CTNND2: variants seen among roughly 807,000 people sequenced by gnomAD.
The protein encoded by CTNND2 is catenin delta 2, also known as catenin delta-2.
A neutral mutation model predicts 144.4 loss-of-function variants in CTNND2; 22 were observed. The observed-to-expected ratio is 0.15, with a 90% confidence interval of 0.11 to 0.22. The LOEUF is 0.22. CTNND2 is among the 10% of genes least tolerant of loss of function. The probability of loss-of-function intolerance (pLI) is 1.00; values close to 1 mark genes in which losing one functional copy is unlikely to be tolerated. For synonymous variants in CTNND2, 751 were observed against 695.6 expected (o/e 1.08, Z -1.25); for missense variants, 1,353 against 1,618.8 (o/e 0.84, Z 2.82).
At chr5:11,560,791 A>G (rs1324022017) in intron 3 of CTNND2, among the ~76,000 whole-genome samples, 1 of 152,214 alleles carries the variant, frequency 6.6e-6, no homozygotes, top group East Asian at 1.9e-4. Flanking sequence ...CTAGGAAGAA[A>G]GCATCATAGG....
chr5:11,481,395 C>T (rs1466535657), intron 3 of CTNND2, among the ~76,000 whole-genome samples: 1 of 152,082 alleles, frequency 6.6e-6, no homozygotes, highest in Non-Finnish European at 1.5e-5. Context: ...AAAATAGTAA[C>T]AATAAAATAA....
chr5:11,747,079 C>A (rs1307336960), intron 1 of CTNND2, among the ~76,000 whole-genome samples: 1 of 152,072 alleles, frequency 6.6e-6, no homozygotes, highest in African/African-American at 2.4e-5. Context: ...AATTAATAAT[C>A]ATAATAAGTT....
chr5:11,506,840 C>T (rs1031323553), intron 3 of CTNND2, among the ~76,000 whole-genome samples: 12 of 152,184 alleles, frequency 7.9e-5, no homozygotes, highest in African/African-American at 2.9e-4. Context: ...CAAATGTGTC[C>T]AAAACTTAAT....
intron 3 of CTNND2, among the ~76,000 whole-genome samples, chr5:11,487,686 T>C (rs1289040146): frequency 6.6e-6 from 1 of 152,194 alleles, no homozygotes; most frequent in Admixed American, 6.5e-5. Context: ...AAAAATAAGA[T>C]AATATTTTAC....
chr5:11,552,748 G>A (rs1480124327), intron 3 of CTNND2, among the ~76,000 whole-genome samples: 3 of 152,142 alleles, frequency 2.0e-5, no homozygotes, highest in Admixed American at 2.0e-4. Context: ...TGTTCATGGT[G>A]GTCAACAAGC....
chr5:11,301,183 A>ATT lies in CTNND2; in HGVS notation c.1628+45187_1628+45188dup, dbSNP rs397709037. ...AGGCACCTGCCACCATGCCCAGCTAATTTTTTTGTATTTTTAGTAGAGATA... is the reference window on the plus strand; with the variant it reads ...AGGCACCTGCCACCATGCCCAGCTAATTTTTTTTTGTATTTTTAGTAGAGATA... On this transcript the variant is annotated intron_variant, in intron 9 of 21. Coordinates refer to ENST00000304623, the MANE Select transcript of CTNND2 (RefSeq NM_001332.4). Among the ~76,000 whole-genome samples, 32 of 151,628 alleles carry ATT rather than the reference A, an allele frequency of 2.1e-4. No individual in the cohort carries two copies. The East Asian group carries it at 4.5e-3, about 21-fold the overall frequency.
At chr5:11,453,775 T>A (rs1765488731) in intron 3 of CTNND2, among the ~76,000 whole-genome samples, 1 of 151,956 alleles carries the variant, frequency 6.6e-6, no homozygotes, top group African/African-American at 2.4e-5. Context: ...GTAACATGAA[T>A]CTCTTTTTTT....
At chr5:11,767,159 A>T (rs1789643068) in intron 1 of CTNND2, among the ~76,000 whole-genome samples, 1 of 152,248 alleles carries the variant, frequency 6.6e-6, no homozygotes, top group Non-Finnish European at 1.5e-5. Flanking sequence ...TTGTAACAAG[A>T]TGCTAAGCAC....
At chr5:11,609,228 T>C (rs1473214649) in intron 2 of CTNND2, among the ~76,000 whole-genome samples, 1 of 152,188 alleles carries the variant, frequency 6.6e-6, no homozygotes, top group Non-Finnish European at 1.5e-5. Context: ...GTTGCTTATG[T>C]TGTTTCTGCC....
At chr5:11,497,040 T>C (rs1393587452) in intron 3 of CTNND2, among the ~76,000 whole-genome samples, 1 of 152,108 alleles carries the variant, frequency 6.6e-6, no homozygotes. Flanking sequence ...ACAGGGTTAG[T>C]AAACAGAAGC....
chr5:11,170,859 T>C (rs1273438861), intron 11 of CTNND2, among the ~76,000 whole-genome samples: 2 of 152,126 alleles, frequency 1.3e-5, no homozygotes, highest in African/African-American at 2.4e-5. Flanking sequence ...CTCACAACCA[T>C]GGGAGAAGAC....
intron 2 of CTNND2, among the ~76,000 whole-genome samples, chr5:11,570,696 T>A (rs546595472): frequency 1.3e-5 from 2 of 152,094 alleles, no homozygotes; most frequent in East Asian, 3.9e-4. Context: ...ACATGTTGTA[T>A]GTGGTGACAT....
chr5:11,218,023 C>T, intron 10 of CTNND2, among the ~76,000 whole-genome samples: 1 of 151,714 alleles, frequency 6.6e-6, no homozygotes, highest in East Asian at 1.9e-4. Flanking sequence ...TCTTTCCTCC[C>T]TTCCTCCCTC....
chr5:11,454,448 A>C (rs1765557926), intron 3 of CTNND2, among the ~76,000 whole-genome samples: 1 of 152,144 alleles, frequency 6.6e-6, no homozygotes, highest in African/African-American at 2.4e-5. Flanking sequence ...ATAATAAAAA[A>C]TTAAATTCAT....
intron 3 of CTNND2, among the ~76,000 whole-genome samples, chr5:11,550,181 A>G (rs1775636882): frequency 6.6e-6 from 1 of 152,232 alleles, no homozygotes; most frequent in East Asian, 1.9e-4. Flanking sequence ...AAATAGGTAA[A>G]TGGGGTTTAC....
intron 2 of CTNND2, among the ~76,000 whole-genome samples, chr5:11,669,659 C>A (rs1053951249): frequency 1.3e-5 from 2 of 149,982 alleles, no homozygotes; most frequent in Non-Finnish European, 3.0e-5. Flanking sequence ...TCTCTCTTTT[C>A]TCATTAGTCC....
intron 1 of CTNND2, among the ~76,000 whole-genome samples, chr5:11,773,376 G>A (rs1006258649): frequency 6.6e-6 from 1 of 152,112 alleles, no homozygotes; most frequent in Non-Finnish European, 1.5e-5. Flanking sequence ...TATTTAATAA[G>A]TACAATAGTC....
At position 11,062,620 on chromosome 5, in the gene CTNND2, G is replaced by A. The variant is rs1271623045; in HGVS notation, c.2788+20076C>T. On this transcript the variant is annotated intron_variant, in intron 16 of 21. Coordinates refer to ENST00000304623, the MANE Select transcript of CTNND2 (RefSeq NM_001332.4). ...TAACCCTTGACTACATGGGAACAAC[G>A]CCAAGCTCATAGCTATAGTTCCACT... 2.6e-5 allele frequency among the ~76,000 whole-genome samples: 4 copies of A among 152,178 alleles called. 1 individual carries two copies. Among genetic ancestry groups the A allele is most frequent in the Admixed American group, 1.3e-4 (2 of 15,280 alleles).
At chr5:11,869,918 C>T (rs1449542138) in intron 1 of CTNND2, among the ~76,000 whole-genome samples, 2 of 152,096 alleles carry the variant, frequency 1.3e-5, no homozygotes, top group African/African-American at 2.4e-5. Flanking sequence ...TATTCTAATT[C>T]CCCTGACACA....
Sources: allele counts gnomAD v4.1 joint callset (sites outside exome capture counted in the v4.1 genomes callset), GRCh38; gene constraint gnomAD v4.1.1; transcripts MANE v1.5; gene names NCBI Gene and HGNC (gene_info 2026-07-23, HGNC 2026-07-21).